DNAJC18: variants seen among roughly 807,000 people sequenced by gnomAD.
The protein encoded by DNAJC18 is DnaJ heat shock protein family (Hsp40) member C18.
Under a neutral mutation model 48.6 loss-of-function variants are expected in DNAJC18, and 40 were observed. That is an observed-to-expected ratio of 0.82 (90% CI 0.64 to 1.07). The LOEUF (loss-of-function observed/expected upper bound fraction) is 1.07. DNAJC18 is among the 50% of genes least tolerant of loss of function. The pLI is 0.00. For missense variants in DNAJC18, 340 were observed against 427.7 expected (o/e 0.79, Z 1.81); for synonymous variants, 135 against 152.2 (o/e 0.89, Z 0.83).
chr5:139,426,193 A>C lies in DNAJC18; in HGVS notation c.538T>G (p.Phe180Val). The C allele has an allele frequency of 1.2e-6, 2 of 1,614,128 alleles. No individual in the cohort carries two copies. The highest frequency in any genetic ancestry group is 1.1e-5 in the South Asian group (1 of 91,054). The change falls in exon 4 of 8, where the codon TTT becomes GTT. Residue 180 changes from phenylalanine to valine, a missense_variant. By Grantham distance (50) the Phe-to-Val change is conservative. Coordinates refer to ENST00000302060, the MANE Select transcript of DNAJC18 (RefSeq NM_152686.4). ...ITPEELFNVF[F>V]GGHFPTGNIH... ...TAACCTGTAGGAAAATGTCCTCCAA[A>C]GAAGACGTTGAACAGCTCTTCTGGA... is the stretch of plus-strand genomic sequence containing the variant.
chr5:139,424,281 G>A (rs1759199891), intron 5 of DNAJC18, among the ~76,000 whole-genome samples: 1 of 152,136 alleles, frequency 6.6e-6, no homozygotes, highest in African/African-American at 2.4e-5. Flanking sequence ...ACAGCTGCTT[G>A]GGAGCCTGAC....
intron 2 of DNAJC18, among the ~76,000 whole-genome samples, chr5:139,434,975 T>C (rs1332017373): frequency 6.6e-6 from 1 of 152,202 alleles, no homozygotes; most frequent in Admixed American, 6.5e-5. Context: ...GTTGTTCACC[T>C]TTAAGTATGA....
chr5:139,417,771 G>A (rs1180330862), intron 7 of DNAJC18, among the ~76,000 whole-genome samples: 3 of 151,836 alleles, frequency 2.0e-5, no homozygotes, highest in Non-Finnish European at 2.9e-5. Context: ...AAGGGGTTTC[G>A]CCATGTTGGC....
intron 3 of DNAJC18, among the ~76,000 whole-genome samples, chr5:139,426,851 T>A (rs987968851): frequency 3.3e-5 from 5 of 151,178 alleles, no homozygotes; most frequent in Non-Finnish European, 7.4e-5. Flanking sequence ...TGAGACTTTG[T>A]CACACACACA....
intron 7 of DNAJC18, among the ~76,000 whole-genome samples, chr5:139,418,218 T>C (rs1759098427): frequency 6.6e-6 from 1 of 152,194 alleles, no homozygotes; most frequent in African/African-American, 2.4e-5. Context: ...TGGCCCAGGC[T>C]GGAGTGCAGT....
chr5:139,435,410 C>T (rs1750621182), intron 2 of DNAJC18, among the ~76,000 whole-genome samples: 4 of 151,840 alleles, frequency 2.6e-5, no homozygotes, highest in South Asian at 2.1e-4. Context: ...TTGAAATGAT[C>T]GTGTGATTTT....
At chr5:139,416,161 A>T (rs1404509003) in intron 7 of DNAJC18, among the ~76,000 whole-genome samples, 4 of 152,260 alleles carry the variant, frequency 2.6e-5, no homozygotes, top group Non-Finnish European at 4.4e-5. Flanking sequence ...CCTTCAATGA[A>T]CAAAGGGTCA....
rs144028941 is a variant in DNAJC18 at position 139,413,890 on chromosome 5, C to T, written c.*258G>A. The stretch of plus-strand genomic sequence containing the variant: ...TCACATAGGCAGGGTAGGCATGGAG[C>T]AGGGAGACGGAATCCAATGCCTTGC... On this transcript the variant is annotated 3_prime_UTR_variant, in exon 8 of 8. Coordinates refer to ENST00000302060, the MANE Select transcript of DNAJC18 (RefSeq NM_152686.4). 4 of 442,834 alleles carry T rather than the reference C, an allele frequency of 9.0e-6. No individual in the cohort carries two copies. The highest frequency in any genetic ancestry group is 6.1e-5 in the African/African-American group (3 of 49,004). The allele number at this position is 442,834 out of a possible 1,614,324, so 27.4% of individuals were successfully genotyped here.
chr5:139,414,021 C>G lies in DNAJC18; in HGVS notation c.*127G>C. On this transcript the variant is annotated 3_prime_UTR_variant, in exon 8 of 8. Coordinates refer to ENST00000302060, the MANE Select transcript of DNAJC18 (RefSeq NM_152686.4). Reference sequence around the variant, plus strand: ...TCGTGCCCATGCTCCTGCCACTCTGCCCAACCAACGAAGTTAGCAAATAGT... The same window carrying G: ...TCGTGCCCATGCTCCTGCCACTCTGGCCAACCAACGAAGTTAGCAAATAGT... 3 of 1,406,384 alleles carry G rather than the reference C, an allele frequency of 2.1e-6. No individual in the cohort carries two copies. The highest frequency in any genetic ancestry group is 2.8e-6 in the Non-Finnish European group (3 of 1,061,314). 87.1% of individuals were successfully genotyped at this position (1,406,384 alleles called of 1,614,324 possible).
Position 139,433,379 on chromosome 5 carries a change from G to C in DNAJC18, c.227+3993C>G, listed in dbSNP as rs113183708. ...CAATCGCTTGAACCTGGGAGGTGGA[G>C]GTTGCAGTGAGCCAAGATCGTGCCA... On this transcript the variant is annotated intron_variant, in intron 2 of 7. Transcript: ENST00000302060. Among the ~76,000 whole-genome samples, 441 of 151,934 alleles carry C rather than the reference G, an allele frequency of 2.9e-3. 2 individuals carry two copies. Among genetic ancestry groups the C allele is most frequent in the African/African-American group, 0.01 (431 of 41,436 alleles).
chr5:139,414,797 G>A (rs888530647), intron 7 of DNAJC18, among the ~76,000 whole-genome samples: 40 of 152,376 alleles, frequency 2.6e-4, no homozygotes, highest in African/African-American at 9.4e-4. Context: ...CTCACCACAC[G>A]TAGGGTCCCC....
At position 139,422,688 on chromosome 5, in the gene DNAJC18, T is replaced by C. The variant is rs774399889; in HGVS notation, c.779+20A>G. 1.3e-6 allele frequency: 2 copies of C among 1,552,138 alleles called. No individual in the cohort carries two copies. The highest frequency in any genetic ancestry group is 1.8e-6 in the Non-Finnish European group (2 of 1,133,906). On this transcript the variant is annotated intron_variant, in intron 6 of 7. Transcript: ENST00000302060. ...ACCCCCAGACTGTTACTGAGAAAGA[T>C]TTAGAAATACCAGACTTACGATTTA...
chr5:139,434,138 G>T (rs1759373839), intron 2 of DNAJC18, among the ~76,000 whole-genome samples: 1 of 152,018 alleles, frequency 6.6e-6, no homozygotes, highest in African/African-American at 2.4e-5. Flanking sequence ...TATTCTTCCT[G>T]CCTTGGCCTC....
intron 2 of DNAJC18, among the ~76,000 whole-genome samples, chr5:139,432,658 T>C (rs1759348828): frequency 6.6e-6 from 1 of 152,128 alleles, no homozygotes; most frequent in Admixed American, 6.6e-5. Context: ...TTAAAGGCAG[T>C]CCCTTAATGG....
rs1187728684 is a variant in DNAJC18 at position 139,416,875 on chromosome 5, T to G, written c.953-2603A>C. ...TAAACAGGACAATTAGTGTTTATAG[T>G]AAGGGATTACTCATAAAGGTTTGCC... On this transcript the variant is annotated intron_variant, in intron 7 of 7. Transcript: ENST00000302060. 2.0e-5 allele frequency among the ~76,000 whole-genome samples: 3 copies of G among 152,220 alleles called. No individual in the cohort carries two copies. In the East Asian group the frequency reaches 5.8e-4, roughly 29 times the overall value.
intron 1 of DNAJC18, 128 bp from the exon 2 acceptor site, chr5:139,437,686 G>T: frequency 2.8e-6 from 3 of 1,082,704 alleles, no homozygotes; most frequent in Non-Finnish European, 3.8e-6. Flanking sequence ...GGCTAGAGGC[G>T]TCATGCTGAC....
intron 7 of DNAJC18, 97 bp downstream of exon 7, chr5:139,419,956 T>C (rs1759125720): frequency 1.6e-6 from 2 of 1,241,540 alleles, no homozygotes; most frequent in Admixed American, 5.6e-5. Context: ...TAAACATGCG[T>C]AGCCTCAAAC....
intron 1 of DNAJC18, 129 bp from the exon 2 acceptor site, chr5:139,437,687 T>C: frequency 9.4e-7 from 1 of 1,061,080 alleles, no homozygotes; most frequent in East Asian, 2.7e-5. Context: ...GCTAGAGGCG[T>C]CATGCTGACT....
In DNAJC18 at chr5:139,426,242, G is replaced by C. The variant is rs763428111; in HGVS notation, c.489C>G (p.Tyr163Ter). 1.2e-6 allele frequency: 2 copies of C among 1,614,226 alleles called. No homozygotes were observed. Among genetic ancestry groups the C allele is most frequent in the Non-Finnish European group, 1.7e-6 (2 of 1,180,032 alleles). Residue 163 changes from tyrosine (Y) to a stop codon, truncating the protein, a stop_gained, in exon 4 of 8, where the codon TAC becomes TAG. Coordinates refer to ENST00000302060, the MANE Select transcript of DNAJC18 (RefSeq NM_152686.4). LOFTEE classifies it high-confidence loss of function. The stretch of plus-strand genomic sequence containing the variant: ...GAGTGATGTCAGCTTCAAAATCCCT[G>C]TAATAATTATAAGGTCTGGCTCGAG... ...TAPRARPYNY[Y>*]RDFEADITPE...
Sources: gnomAD v4.1 joint callset for allele counts (sites outside exome capture counted in the v4.1 genomes callset) on GRCh38, gnomAD v4.1.1 for gene constraint, MANE v1.5 for transcripts, NCBI Gene and HGNC (gene_info 2026-07-23, HGNC 2026-07-21) for gene names.